NMNAT2: variants seen among roughly 807,000 people sequenced by gnomAD.
NMNAT2 encodes the protein nicotinamide nucleotide adenylyltransferase 2, also known as nicotinamide/nicotinic acid mononucleotide adenylyltransferase 2.
In NMNAT2, 11 loss-of-function variants were observed where a neutral mutation model predicts 41.6. That is an observed-to-expected ratio of 0.26 (90% CI 0.17 to 0.44). NMNAT2 has a LOEUF of 0.44. Among genes scored for constraint, NMNAT2 ranks in the 20% least tolerant of loss-of-function variants. The pLI, the probability that NMNAT2 is intolerant of heterozygous loss-of-function variation, is 1.00. For missense variants in NMNAT2, 288 were observed against 407.7 expected, an observed-to-expected ratio of 0.71 and a Z score of 2.53; for synonymous variants, 148 against 151.2, an observed-to-expected ratio of 0.98 and a Z score of 0.16.
chr1:183,375,460 C>T (rs1235522743), intron 1 of NMNAT2, among the ~76,000 whole-genome samples: 1 of 152,186 alleles, frequency 6.6e-6, no homozygotes, highest in Non-Finnish European at 1.5e-5. Context: ...ATGCCTTTGC[C>T]CAGGCTGTTT....
Position 183,403,153 on chromosome 1 carries a change from C to T in NMNAT2, c.85+15030G>A, listed in dbSNP as rs369889908. ...TTCACCATGTTGGCTAGGCTGGTCT[C>T]GTACTCCTGACCTCAGGTGATCCAC... On this transcript the variant is annotated intron_variant, in intron 1 of 10. Transcript: ENST00000287713. 5.9e-5 allele frequency among the ~76,000 whole-genome samples: 9 copies of T among 151,862 alleles called. No homozygotes were observed. The East Asian group carries it at 7.7e-4, about 13-fold the overall frequency.
In NMNAT2 at chr1:183,286,671, G is replaced by A. The variant is rs1249139944; in HGVS notation, c.439C>T (p.Pro147Ser). 1.2e-6 allele frequency: 2 copies of A among 1,609,556 alleles called. No individual in the cohort carries two copies. The highest frequency in any genetic ancestry group is 1.7e-6 in the Non-Finnish European group (2 of 1,177,900). The part of the protein sequence containing the change: ...IYQNSNVATK[P>S]TAAKILGKVG... ...ATCAGTGTTCCCCTACCTGCAGTGGGCTTGGTGGCCACGTTGCTGTTCTGG... is the reference window on the plus strand; with the variant it reads ...ATCAGTGTTCCCCTACCTGCAGTGGACTTGGTGGCCACGTTGCTGTTCTGG... Residue 147 changes from proline to serine, a missense_variant, in exon 5 of 11, where the codon CCC becomes TCC. Physicochemically the swap from Pro to Ser is moderately conservative, Grantham distance 74 (BLOSUM62 -1). This residue lies in a region of NMNAT2 where 181 missense variants were observed against 213.7 expected (regional missense o/e 0.85). Coordinates refer to ENST00000287713, the MANE Select transcript of NMNAT2 (RefSeq NM_015039.4).
intron 1 of NMNAT2, among the ~76,000 whole-genome samples, chr1:183,362,186 G>T (rs1169944744): frequency 6.6e-6 from 1 of 152,054 alleles, no homozygotes; most frequent in Non-Finnish European, 1.5e-5. Flanking sequence ...CAATCCACCT[G>T]CCTCAGCCTC....
At chr1:183,405,611 C>G (rs1181724302) in intron 1 of NMNAT2, among the ~76,000 whole-genome samples, 2 of 152,304 alleles carry the variant, frequency 1.3e-5, no homozygotes, top group East Asian at 3.9e-4. Flanking sequence ...GAGGGAGGAG[C>G]TAGACAAAAC....
chr1:183,357,216 ATTCT>A (rs1361875667), intron 1 of NMNAT2, among the ~76,000 whole-genome samples: 6 of 136,780 alleles, frequency 4.4e-5, no homozygotes, highest in Non-Finnish European at 9.5e-5. Flanking sequence ...GAGACATCAA[ATTCT>A]TTTTTTTTTT....
Position 183,248,937 on chromosome 1 carries a change from T to TGTGTGTGTGTG in NMNAT2, c.*3703_*3704insCACACACACAC, listed in dbSNP as rs1660300694. On this transcript the variant is annotated 3_prime_UTR_variant, in exon 11 of 11. Transcript: ENST00000287713. ...GTGTGTGTGTGTGTGTGTGTGTCAGTTTGAGGAGAGTAGAATTGGGCTGGT... is the reference window on the plus strand; with the variant it reads ...GTGTGTGTGTGTGTGTGTGTGTCAGTGTGTGTGTGTGTTGAGGAGAGTAGAATTGGGCTGGT... The TGTGTGTGTGTG allele has an allele frequency of 6.6e-6, 1 of 151,058 alleles. No homozygotes were observed. Among genetic ancestry groups the TGTGTGTGTGTG allele is most frequent in the Non-Finnish European group, 1.5e-5 (1 of 68,098 alleles). The allele number at this position is 151,058 out of a possible 1,614,324, so 9.4% of individuals were successfully genotyped here.
At chr1:183,308,659 A>T (rs1662046772) in intron 1 of NMNAT2, among the ~76,000 whole-genome samples, 1 of 152,222 alleles carries the variant, frequency 6.6e-6, no homozygotes, top group African/African-American at 2.4e-5. Flanking sequence ...GATCTCCAAG[A>T]CACATCAGTA....
chr1:183,357,280 A>G (rs1315277192), intron 1 of NMNAT2, among the ~76,000 whole-genome samples: 1 of 119,922 alleles, frequency 8.3e-6, no homozygotes, highest in Non-Finnish European at 1.6e-5. Context: ...CCCAGGCTGG[A>G]GTTCAGTGGC....
At chr1:183,336,769 C>T (rs918460093) in intron 1 of NMNAT2, among the ~76,000 whole-genome samples, 4 of 152,152 alleles carry the variant, frequency 2.6e-5, no homozygotes, top group Admixed American at 1.3e-4. Flanking sequence ...ATGTTTCTAG[C>T]AGTTGTGTTT....
intron 7 of NMNAT2, 40 bp downstream of exon 7, chr1:183,283,955 C>T: frequency 1.2e-6 from 2 of 1,608,400 alleles, no homozygotes; most frequent in Non-Finnish European, 1.7e-6. Flanking sequence ...CAGGGAGCTC[C>T]AAATGTCCCC....
chr1:183,413,683 T>C (rs1376773509), intron 1 of NMNAT2, among the ~76,000 whole-genome samples: 1 of 142,594 alleles, frequency 7.0e-6, no homozygotes, highest in Admixed American at 7.4e-5. Context: ...CTCGGCTCAC[T>C]GCAAGCTCCG....
rs1353916799 is a variant in NMNAT2 at position 183,250,932 on chromosome 1, C to G, written c.*1709G>C. The G allele has an allele frequency of 6.6e-6, 1 of 152,426 alleles. No homozygotes were observed. Among genetic ancestry groups the G allele is most frequent in the Non-Finnish European group, 1.5e-5 (1 of 68,046 alleles). The allele number at this position is 152,426 out of a possible 1,614,324, so 9.4% of individuals were successfully genotyped here. On this transcript the variant is annotated 3_prime_UTR_variant, in exon 11 of 11. Transcript: ENST00000287713. Reference sequence around the variant, plus strand: ...TGGCCCTTTCTGGCCGTAGCTGGTACTAGATTTTGATAAAAGTATCCTAAT... The same window carrying G: ...TGGCCCTTTCTGGCCGTAGCTGGTAGTAGATTTTGATAAAAGTATCCTAAT...
intron 1 of NMNAT2, among the ~76,000 whole-genome samples, chr1:183,298,347 G>T (rs1661756662): frequency 6.6e-6 from 1 of 152,126 alleles, no homozygotes; most frequent in Non-Finnish European, 1.5e-5. Flanking sequence ...AGCTCAACAA[G>T]GTCATAAGTT....
intron 1 of NMNAT2, among the ~76,000 whole-genome samples, chr1:183,392,733 C>T (rs1648518677): frequency 6.6e-6 from 1 of 152,198 alleles, no homozygotes; most frequent in Non-Finnish European, 1.5e-5. Context: ...CTGCTATTCC[C>T]TTTGCTGGGA....
chr1:183,382,964 T>G (rs1438166830), intron 1 of NMNAT2, among the ~76,000 whole-genome samples: 3 of 152,154 alleles, frequency 2.0e-5, no homozygotes, highest in African/African-American at 4.8e-5. Flanking sequence ...CAATCCCACA[T>G]TTTCCCCTCC....
intron 8 of NMNAT2, among the ~76,000 whole-genome samples, chr1:183,275,121 T>C (rs996101499): frequency 6.6e-6 from 1 of 152,190 alleles, no homozygotes; most frequent in Non-Finnish European, 1.5e-5. Flanking sequence ...GTGGTGACCA[T>C]GGTGAACTGA....
intron 1 of NMNAT2, among the ~76,000 whole-genome samples, chr1:183,375,182 C>T (rs1331631544): frequency 6.6e-6 from 1 of 152,150 alleles, no homozygotes; most frequent in Non-Finnish European, 1.5e-5. Context: ...ATGATCTTAC[C>T]ACCTCCCTAT....
intron 1 of NMNAT2, among the ~76,000 whole-genome samples, chr1:183,359,637 T>G (rs1313860028): frequency 2.0e-5 from 3 of 152,120 alleles, no homozygotes; most frequent in East Asian, 3.9e-4. Flanking sequence ...GTAAGGGATA[T>G]GTAAGGTGGA....
chr1:183,256,190 G>A (rs1660511762), intron 10 of NMNAT2, among the ~76,000 whole-genome samples: 1 of 151,966 alleles, frequency 6.6e-6, no homozygotes, highest in African/African-American at 2.4e-5. Context: ...GGCAGATCAC[G>A]AGGTCAGGCG....
Sources: allele counts gnomAD v4.1 joint callset (sites outside exome capture counted in the v4.1 genomes callset), GRCh38; gene constraint gnomAD v4.1.1; regional missense constraint gnomAD v4.1.1; transcripts MANE v1.5; gene names NCBI Gene and HGNC (gene_info 2026-07-23, HGNC 2026-07-21).